Variants in PPFIA2 observed in about 807,000 individuals in gnomAD.
The protein encoded by PPFIA2 is PPFI scaffold protein A2.
Under a neutral mutation model 175.5 loss-of-function variants are expected in PPFIA2, and 46 were observed. The ratio of observed to expected loss-of-function variants is 0.26; its 90% CI spans 0.21 to 0.34. PPFIA2 has a LOEUF of 0.34. Ranked by LOEUF, PPFIA2 falls within the 10% of genes least tolerant of loss-of-function variation. PPFIA2 has a pLI of 1.00. For missense variants in PPFIA2, 1,179 were observed against 1,506.1 expected, an observed-to-expected ratio of 0.78 and a Z score of 3.60; for synonymous variants, 568 against 511.4, an observed-to-expected ratio of 1.11 and a Z score of -1.49.
intron 4 of PPFIA2, among the ~76,000 whole-genome samples, chr12:81,469,150 A>T (rs2056286521): frequency 6.6e-6 from 1 of 152,204 alleles, no homozygotes; most frequent in Admixed American, 6.5e-5. Context: ...TAATTACTCA[A>T]TTTTTTATGT....
intron 4 of PPFIA2, among the ~76,000 whole-genome samples, chr12:81,623,691 C>T (rs147484659): frequency 6.3e-4 from 96 of 151,892 alleles, no homozygotes; most frequent in African/African-American, 2.0e-3. Flanking sequence ...CAAATTATTA[C>T]GTGTTAGCTA....
chr12:81,267,309 T>G, intron 29 of PPFIA2: 1 of 450,646 alleles, frequency 2.2e-6, no homozygotes, highest in Non-Finnish European at 4.2e-6. Context: ...TTTTGTTTAA[T>G]CTCTGAAATA....
chr12:81,347,450 T>C, intron 18 of PPFIA2, 83 bp downstream of exon 18: 1 of 1,164,418 alleles, frequency 8.6e-7, no homozygotes, highest in Non-Finnish European at 1.3e-6. Context: ...GTACTTAGAC[T>C]AGAACAAACA....
intron 8 of PPFIA2, among the ~76,000 whole-genome samples, chr12:81,399,290 CAAAA>C (rs543794696): frequency 4.5e-4 from 19 of 42,016 alleles, no homozygotes; most frequent in African/African-American, 1.5e-3. Flanking sequence ...TCCTTCTTCA[CAAAA>C]AAAAAAAAAA....
At chr12:81,756,749 G>T (rs893383921) in intron 2 of PPFIA2, among the ~76,000 whole-genome samples, 2 of 152,110 alleles carry the variant, frequency 1.3e-5, no homozygotes, top group African/African-American at 4.8e-5. Context: ...AATTACAAAT[G>T]TAAGTATTAA....
In PPFIA2 at chr12:81,353,192, T is replaced by A. The variant is rs1350258759; in HGVS notation, c.1921A>T (p.Ser641Cys). 1 of 1,613,864 alleles carries A rather than the reference T, an allele frequency of 6.2e-7. No individual in the cohort carries two copies. The highest frequency in any genetic ancestry group is 1.7e-5 in the Admixed American group (1 of 59,990). ...IFSSMDLLSP[S>C]GHSDAQTLAM... ...AGCGTCTGGGCATCGGAATGACCAC[T>A]TGGAGAGAGAAGATCCATTGAGCTA... Residue 641 changes from serine (S) to cysteine (C), a missense_variant, in exon 17 of 33, where the codon AGT becomes TGT. Physicochemically the swap from Ser to Cys is moderately radical, Grantham distance 112. Around this residue, in one of 10 missense-constraint regions of PPFIA2, gnomAD observed 186 missense variants for 163.6 expected, o/e 1.14. Coordinates refer to ENST00000549396, the MANE Select transcript of PPFIA2 (RefSeq NM_003625.5).
In PPFIA2 at chr12:81,598,197, A is replaced by G. The variant is rs968857208; in HGVS notation, c.303+78594T>C. The G allele has an allele frequency of 1.8e-5, 24 of 1,359,580 alleles. No homozygotes were observed. In the Admixed American group the frequency reaches 2.0e-4, roughly 11 times the overall value. The allele number at this position is 1,359,580 out of a possible 1,614,324, so 84.2% of individuals were successfully genotyped here. ...TGATAGCATTTTGAATTGTTCTTCT[A>G]CATTTGAAATCTTAGCTGAAAGATC... On this transcript the variant is annotated intron_variant, in intron 4 of 32. Transcript: ENST00000549396.
intron 27 of PPFIA2, among the ~76,000 whole-genome samples, chr12:81,279,942 T>C (rs1391101253): frequency 6.6e-6 from 1 of 152,142 alleles, no homozygotes; most frequent in Non-Finnish European, 1.5e-5. Flanking sequence ...AAAAATGAGG[T>C]GCTCAACAGA....
intron 4 of PPFIA2, among the ~76,000 whole-genome samples, chr12:81,567,017 T>C (rs1412979753): frequency 6.6e-6 from 1 of 152,196 alleles, no homozygotes; most frequent in South Asian, 2.1e-4. Flanking sequence ...TGTTGTATAA[T>C]AATTTGTCTG....
rs77875717 is a variant in PPFIA2, at chr12:81,484,690, C to T, written c.304-26824G>A. ...CTAGCAAGAGAAGCATTTGACCAAA[C>T]TTGATCTCAGCTTTTAAATCTCTAC... is the stretch of plus-strand genomic sequence containing the variant. On this transcript the variant is annotated intron_variant, in intron 4 of 32. Transcript: ENST00000549396. Among the ~76,000 whole-genome samples the T allele has an allele frequency of 3.2e-3, 482 of 151,978 alleles. 2 individuals are homozygous for T. The highest frequency in any genetic ancestry group is 0.011 in the African/African-American group (464 of 41,502).
intron 3 of PPFIA2, among the ~76,000 whole-genome samples, chr12:81,739,610 G>A (rs17691218): frequency 0.04 from 6,028 of 151,352 alleles, 152 homozygotes; most frequent in Middle Eastern, 0.065. Context: ...ATCTATTATC[G>A]ATCAGCAACA....
At chr12:81,497,301 G>A (rs1424863259) in intron 4 of PPFIA2, among the ~76,000 whole-genome samples, 5 of 151,962 alleles carry the variant, frequency 3.3e-5, no homozygotes, top group Non-Finnish European at 7.4e-5. Flanking sequence ...TGTGGCTCAC[G>A]AGATGCTTCT....
chr12:81,305,322 G>A (rs1462665447), intron 22 of PPFIA2, among the ~76,000 whole-genome samples: 1 of 152,086 alleles, frequency 6.6e-6, no homozygotes, highest in Non-Finnish European at 1.5e-5. Flanking sequence ...TTCATTGTGT[G>A]TGCTACCATC....
chr12:81,651,186 G>A (rs891131597), intron 4 of PPFIA2, among the ~76,000 whole-genome samples: 1 of 152,128 alleles, frequency 6.6e-6, no homozygotes, highest in African/African-American at 2.4e-5. Context: ...CAGCATAGGG[G>A]ACATTCCAAA....
chr12:81,697,329 T>A (rs553701634), intron 3 of PPFIA2, among the ~76,000 whole-genome samples: 8 of 152,206 alleles, frequency 5.3e-5, no homozygotes, highest in African/African-American at 1.9e-4. Flanking sequence ...TTATGATACA[T>A]TATTTAAAAA....
At chr12:81,646,220 T>C (rs967392256) in intron 4 of PPFIA2, among the ~76,000 whole-genome samples, 1 of 152,106 alleles carries the variant, frequency 6.6e-6, no homozygotes, top group Non-Finnish European at 1.5e-5. Context: ...TACAATGATA[T>C]AGTATATTGC....
chr12:81,352,674 A>G (rs2060225030), intron 17 of PPFIA2, among the ~76,000 whole-genome samples: 3 of 152,150 alleles, frequency 2.0e-5, no homozygotes, highest in African/African-American at 4.8e-5. Flanking sequence ...ATGTTGAAAT[A>G]TTTTAAGGAA....
At position 81,282,179 on chromosome 12, in the gene PPFIA2, A is replaced by G. The variant is rs2042228054; in HGVS notation, c.3019-729T>C. Among the ~76,000 whole-genome samples, 2 of 152,006 alleles carry G rather than the reference A, an allele frequency of 1.3e-5. 1 individual carries two copies. On this transcript the variant is annotated intron_variant, in intron 26 of 32. Transcript: ENST00000549396. ...CAAATCAACCATTACCACTAAACCA[A>G]TATTTTAAAAGAACTATTACTCTCT...
chr12:81,723,718 C>A (rs534604043), intron 3 of PPFIA2, among the ~76,000 whole-genome samples: 1 of 150,932 alleles, frequency 6.6e-6, no homozygotes, highest in Admixed American at 6.6e-5. Context: ...TATTGTAATG[C>A]AAATTAGAGA....
Sources: allele counts gnomAD v4.1 joint callset (sites outside exome capture counted in the v4.1 genomes callset), GRCh38; gene constraint gnomAD v4.1.1; regional missense constraint gnomAD v4.1.1; transcripts MANE v1.5; gene names NCBI Gene and HGNC (gene_info 2026-07-23, HGNC 2026-07-21).